Variants in PPM1H observed in about 807,000 individuals in gnomAD.
PPM1H encodes the protein protein phosphatase 1H.
PPM1H carries 27 observed loss-of-function variants against 54.9 expected under a neutral mutation model. That is an observed-to-expected ratio of 0.49 (90% CI 0.36 to 0.68). PPM1H has a LOEUF of 0.68. PPM1H is among the 30% of genes least tolerant of loss of function. The pLI, the probability that PPM1H is intolerant of heterozygous loss-of-function variation, is 0.00. For synonymous variants in PPM1H, 305 were observed against 270.8 expected (o/e 1.13, Z -1.24); for missense variants, 596 against 667.8 (o/e 0.89, Z 1.19).
At chr12:62,810,398 G>A (rs958210620) in intron 2 of PPM1H, among the ~76,000 whole-genome samples, 4 of 152,124 alleles carry the variant, frequency 2.6e-5, no homozygotes, top group Admixed American at 6.6e-5. Context: ...AAGAGACATT[G>A]CCATCTCTGG....
intron 9 of PPM1H, among the ~76,000 whole-genome samples, chr12:62,650,013 T>TGAA (rs1270138637): frequency 6.6e-6 from 1 of 152,244 alleles, no homozygotes; most frequent in African/African-American, 2.4e-5. Flanking sequence ...GACCTTTCTC[T>TGAA]ACTTGGAATG....
chr12:62,734,780 G>T (rs553031898), intron 5 of PPM1H, among the ~76,000 whole-genome samples: 1 of 152,172 alleles, frequency 6.6e-6, no homozygotes, highest in African/African-American at 2.4e-5. Context: ...AGTGGCTCAC[G>T]CTTGTAACCC....
chr12:62,851,628 G>C (rs1022020843), intron 1 of PPM1H, among the ~76,000 whole-genome samples: 2 of 151,876 alleles, frequency 1.3e-5, no homozygotes, highest in Admixed American at 6.6e-5. Flanking sequence ...ACTTGAACCC[G>C]GGGGGTGAAG....
intron 4 of PPM1H, among the ~76,000 whole-genome samples, chr12:62,785,469 G>A (rs11613695): frequency 1.3e-5 from 2 of 152,190 alleles, no homozygotes; most frequent in African/African-American, 4.8e-5. Flanking sequence ...GAACCACCAC[G>A]CCCGGCCAAA....
Position 62,693,961 on chromosome 12 carries a change from G to T in PPM1H, c.1112C>A (p.Pro371His). The change falls in exon 7 of 10, where the codon CCC (proline) becomes CAC (histidine). Residue 371 changes from proline to histidine, a missense_variant. Pro to His is a moderately conservative substitution (Grantham distance 77, BLOSUM62 -2). This residue lies in a region of PPM1H where 208 missense variants were observed against 259.5 expected (regional missense o/e 0.80). Coordinates refer to ENST00000228705, the MANE Select transcript of PPM1H (RefSeq NM_020700.2). ...KTIEDEDLKF[P>H]LIYGEGKKAR... ...CTTCTTGCCTTCTCCATATATAAGG[G>T]GGAACTTCAAGTCCTCATCCTCAAT... The T allele has an allele frequency of 6.2e-7, 1 of 1,613,100 alleles. No individual in the cohort carries two copies.
At chr12:62,702,194 T>C (rs2076147428) in intron 6 of PPM1H, among the ~76,000 whole-genome samples, 1 of 152,206 alleles carries the variant, frequency 6.6e-6, no homozygotes, top group South Asian at 2.1e-4. Context: ...AGTTCCCCTT[T>C]ATTATTAGTA....
At chr12:62,651,418 G>C (rs1391631899) in intron 9 of PPM1H, among the ~76,000 whole-genome samples, 1 of 152,168 alleles carries the variant, frequency 6.6e-6, no homozygotes, top group Non-Finnish European at 1.5e-5. Context: ...GGCTTTATTA[G>C]AGTCATGAAA....
intron 4 of PPM1H, among the ~76,000 whole-genome samples, chr12:62,749,991 C>T (rs904438663): frequency 4.0e-5 from 6 of 151,798 alleles, no homozygotes; most frequent in South Asian, 2.1e-4. Flanking sequence ...AAACCCAGTG[C>T]GCCAGCGCAA....
In PPM1H at chr12:62,934,773, A is replaced by C; in HGVS notation, c.-37T>G. On this transcript the variant is annotated 5_prime_UTR_variant, in exon 1 of 10. Coordinates refer to ENST00000228705, the MANE Select transcript of PPM1H (RefSeq NM_020700.2). The surrounding 1 kb of genome is among the most constrained non-coding windows in gnomAD (Gnocchi z 4.2). Reference sequence around the variant, plus strand: ...GCCCGGCTGCAGCGGTGCGAGCAGGAGGCGGCGGGGGCCGGGCAAGGCGCA... The same window carrying C: ...GCCCGGCTGCAGCGGTGCGAGCAGGCGGCGGCGGGGGCCGGGCAAGGCGCA... 6.8e-7 allele frequency: 1 copy of C among 1,463,980 alleles called. No homozygotes were observed. Among genetic ancestry groups the C allele is most frequent in the Admixed American group, 2.3e-5 (1 of 43,218 alleles). 90.7% of individuals were successfully genotyped at this position (1,463,980 alleles called of 1,614,324 possible). A position where few individuals can be genotyped will look rare whatever the true frequency, so the allele number is the denominator to read the frequency against.
In PPM1H at chr12:62,858,745, TG is replaced by T. The variant is rs576205285; in HGVS notation, c.246-26467del. ...AAGGCTTTAAGCAAATAAGGAGATA[TG>T]GGTAAACATGACTATTATTCAATGT... On this transcript the variant is annotated intron_variant, in intron 1 of 9. Transcript: ENST00000228705. Among the ~76,000 whole-genome samples the T allele has an allele frequency of 2.7e-3, 409 of 152,342 alleles. 2 individuals carry two copies. The highest frequency in any genetic ancestry group is 4.3e-3 in the Non-Finnish European group (291 of 68,026).
chr12:62,762,966 G>A (rs533152459), intron 4 of PPM1H, among the ~76,000 whole-genome samples: 9 of 145,638 alleles, frequency 6.2e-5, no homozygotes, highest in African/African-American at 2.2e-4. Flanking sequence ...TCCTCTTATT[G>A]AAAGGAAAGA....
intron 5 of PPM1H, among the ~76,000 whole-genome samples, chr12:62,733,653 C>T (rs922640290): frequency 1.1e-4 from 17 of 152,142 alleles, no homozygotes; most frequent in African/African-American, 4.1e-4. Flanking sequence ...TATGAATATT[C>T]TAACTCAGGG....
intron 1 of PPM1H, among the ~76,000 whole-genome samples, chr12:62,853,379 A>G (rs1024400189): frequency 1.3e-5 from 2 of 152,254 alleles, no homozygotes; most frequent in Non-Finnish European, 2.9e-5. Context: ...GGTTGAGAGA[A>G]GAATCTACAT....
chr12:62,920,919 A>ATTT (rs1592671801), intron 1 of PPM1H, among the ~76,000 whole-genome samples: 17 of 151,824 alleles, frequency 1.1e-4, no homozygotes, highest in East Asian at 3.9e-4. Flanking sequence ...GTAATTAATT[A>ATTT]ATTTATTTAT....
At chr12:62,678,184 C>A (rs1310714370) in intron 8 of PPM1H, among the ~76,000 whole-genome samples, 1 of 152,324 alleles carries the variant, frequency 6.6e-6, no homozygotes, top group East Asian at 1.9e-4. Flanking sequence ...TGAGCTCAAG[C>A]CAACCTCCTG....
At chr12:62,721,253 C>T (rs1334801961) in intron 5 of PPM1H, among the ~76,000 whole-genome samples, 2 of 152,168 alleles carry the variant, frequency 1.3e-5, no homozygotes, top group Admixed American at 6.5e-5. Flanking sequence ...GGATCTCTCA[C>T]TGATTCTCAT....
At chr12:62,649,527 C>T (rs1465286845) in intron 9 of PPM1H, among the ~76,000 whole-genome samples, 2 of 152,112 alleles carry the variant, frequency 1.3e-5, no homozygotes, top group African/African-American at 4.8e-5. Flanking sequence ...AAACACTGAC[C>T]AGAGCAGAGG....
intron 1 of PPM1H, among the ~76,000 whole-genome samples, chr12:62,928,609 T>G (rs1178008291): frequency 6.6e-6 from 1 of 152,198 alleles, no homozygotes; most frequent in Non-Finnish European, 1.5e-5. Flanking sequence ...GCCTCTCTTC[T>G]CTACTAAGTC....
At chr12:62,673,568 T>C (rs117854821) in intron 8 of PPM1H, among the ~76,000 whole-genome samples, 1,595 of 152,194 alleles carry the variant, frequency 0.01, 15 homozygotes, top group Non-Finnish European at 0.015. Context: ...CAAACTGGTT[T>C]TTCCCTTTTA....
Sources: allele counts gnomAD v4.1 joint callset (sites outside exome capture counted in the v4.1 genomes callset), GRCh38; gene constraint gnomAD v4.1.1; regional missense constraint gnomAD v4.1.1; non-coding constraint Gnocchi (gnomAD v3.1); transcripts MANE v1.5; gene names NCBI Gene and HGNC (gene_info 2026-07-23, HGNC 2026-07-21).